Variants in SLC44A5 observed in about 807,000 individuals in gnomAD.
The protein encoded by SLC44A5 is choline transporter-like protein 5.
A neutral mutation model predicts 101.8 loss-of-function variants in SLC44A5; 57 were observed. The observed-to-expected ratio is 0.56, with a 90% CI of 0.45 to 0.70. SLC44A5 has a LOEUF of 0.70. Ranked by LOEUF, SLC44A5 falls within the 30% of genes least tolerant of loss-of-function variation. The probability of loss-of-function intolerance (pLI) is 0.00; values close to 1 mark genes in which losing one functional copy is unlikely to be tolerated. For missense variants in SLC44A5, 737 were observed against 853.1 expected (o/e 0.86, Z 1.70); for synonymous variants, 281 against 290.9 (o/e 0.97, Z 0.35).
In SLC44A5 at chr1:75,472,960, T is replaced by C. The variant is rs547091255; in HGVS notation, c.13+68475A>G. On this transcript the variant is annotated intron_variant, in intron 2 of 23. Transcript: ENST00000370859. ...CTAAAGACTTCTGTGTGATGAATTG[T>C]CATCTCCCTCAACCTCAAAGGTAAC... 2.2e-4 allele frequency among the ~76,000 whole-genome samples: 34 copies of C among 152,326 alleles called. 1 individual carries two copies. In the South Asian group the frequency reaches 6.4e-3, roughly 29 times the overall value.
At chr1:75,682,954 T>C in the SLC44A5 span, among the ~76,000 whole-genome samples, 869 of 151,710 alleles carry the variant, frequency 5.7e-3, 8 homozygotes, top group Admixed American at 0.031. Flanking sequence ...AGGACATGAA[T>C]AGACACTTCT....
At chr1:75,694,461 C>G in the SLC44A5 span, among the ~76,000 whole-genome samples, 1 of 151,994 alleles carries the variant, frequency 6.6e-6, no homozygotes, top group Non-Finnish European at 1.5e-5. Flanking sequence ...GCATTTATCA[C>G]TATTTTTAAA....
At chr1:75,482,894 T>A (rs911748551) in intron 2 of SLC44A5, among the ~76,000 whole-genome samples, 7 of 152,144 alleles carry the variant, frequency 4.6e-5, no homozygotes, top group Admixed American at 4.6e-4. Context: ...CTAAGGAAAT[T>A]TACTTATAGG....
At chr1:75,698,084 C>G in the SLC44A5 span, among the ~76,000 whole-genome samples, 1 of 152,186 alleles carries the variant, frequency 6.6e-6, no homozygotes, top group Admixed American at 6.5e-5. Context: ...AGAGGGGTGT[C>G]CGCCATTGCC....
chr1:75,466,352 A>G (rs1329278181), intron 2 of SLC44A5, among the ~76,000 whole-genome samples: 1 of 152,126 alleles, frequency 6.6e-6, no homozygotes, highest in African/African-American at 2.4e-5. Context: ...TCCTCAAACA[A>G]CTAGAAATAG....
chr1:75,698,061 C>A, the SLC44A5 span, among the ~76,000 whole-genome samples: 1 of 152,182 alleles, frequency 6.6e-6, no homozygotes, highest in Non-Finnish European at 1.5e-5. Context: ...TGCAAGGTGG[C>A]AGTGAGGCTG....
At chr1:75,571,405 A>C (rs1013333562) in intron 1 of SLC44A5, among the ~76,000 whole-genome samples, 2 of 152,186 alleles carry the variant, frequency 1.3e-5, no homozygotes, top group Non-Finnish European at 2.9e-5. Flanking sequence ...GGAGATGATT[A>C]GCAAAAAATA....
At chr1:75,247,654 A>G (rs767037944) in intron 7 of SLC44A5, among the ~76,000 whole-genome samples, 78 of 152,110 alleles carry the variant, frequency 5.1e-4, no homozygotes, top group Non-Finnish European at 9.9e-4. Context: ...GGAGACTGAT[A>G]GGGAGTAGAC....
At chr1:75,633,889 T>C in the SLC44A5 span, among the ~76,000 whole-genome samples, 3 of 152,302 alleles carry the variant, frequency 2.0e-5, no homozygotes, top group Admixed American at 1.3e-4. Flanking sequence ...TTTTGAGATA[T>C]GTCCCATCAA....
At chr1:75,606,841 G>A (rs1052200372) in intron 1 of SLC44A5, among the ~76,000 whole-genome samples, 1 of 151,840 alleles carries the variant, frequency 6.6e-6, no homozygotes, top group African/African-American at 2.4e-5. Flanking sequence ...TTGGTTCCAA[G>A]ACCCCACACC....
At chr1:75,412,562 G>A (rs147069816) in intron 2 of SLC44A5, among the ~76,000 whole-genome samples, 1 of 152,038 alleles carries the variant, frequency 6.6e-6, no homozygotes, top group East Asian at 1.9e-4. Flanking sequence ...ACGAACAGGA[G>A]GTGTATTTCC....
At chr1:75,459,104 A>T (rs1448868063) in intron 2 of SLC44A5, among the ~76,000 whole-genome samples, 1 of 152,154 alleles carries the variant, frequency 6.6e-6, no homozygotes, top group Non-Finnish European at 1.5e-5. Flanking sequence ...TAAAAGTTTC[A>T]TTCTTTTTGG....
chr1:75,630,772 T>C, the SLC44A5 span, among the ~76,000 whole-genome samples: 1 of 152,162 alleles, frequency 6.6e-6, no homozygotes, highest in Non-Finnish European at 1.5e-5. Flanking sequence ...CAACTCCCCA[T>C]GCTTTAAGTG....
intron 2 of SLC44A5, among the ~76,000 whole-genome samples, chr1:75,456,116 C>A (rs1197297609): frequency 6.6e-6 from 1 of 152,144 alleles, no homozygotes; most frequent in Admixed American, 6.5e-5. Flanking sequence ...CCCAGATACC[C>A]ATCAACAATG....
intron 7 of SLC44A5, 59 bp downstream of exon 7, chr1:75,251,151 C>A (rs1272115058): frequency 1.3e-5 from 18 of 1,362,808 alleles, no homozygotes; most frequent in Non-Finnish European, 1.8e-5. Context: ...TTTCTCAATT[C>A]TTTTATCCAA....
chr1:75,705,433 G>A, the SLC44A5 span, among the ~76,000 whole-genome samples: 1 of 152,040 alleles, frequency 6.6e-6, no homozygotes, highest in Non-Finnish European at 1.5e-5. Context: ...GTGGTTGGAG[G>A]GTGGTTGATA....
chr1:75,543,614 C>CATATATATACGTATATAT (rs1671477481), intron 1 of SLC44A5, among the ~76,000 whole-genome samples: 1 of 146,614 alleles, frequency 6.8e-6, no homozygotes, highest in Non-Finnish European at 1.5e-5. Flanking sequence ...TATATACACA[C>CATATATATACGTATATAT]ACACATATAT....
At chr1:75,237,641 CTTT>C (rs1184178628) in intron 10 of SLC44A5, among the ~76,000 whole-genome samples, 1 of 152,006 alleles carries the variant, frequency 6.6e-6, no homozygotes, top group Non-Finnish European at 1.5e-5. Context: ...CCTAAGTTTT[CTTT>C]TTCATTTTAC....
chr1:75,699,172 G>A, the SLC44A5 span, among the ~76,000 whole-genome samples: 2 of 151,892 alleles, frequency 1.3e-5, no homozygotes, highest in African/African-American at 4.8e-5. Context: ...GATACTCCTC[G>A]AGAAGAGCAA....
Sources: gnomAD v4.1 joint callset for allele counts (sites outside exome capture counted in the v4.1 genomes callset) on GRCh38, gnomAD v4.1.1 for gene constraint, MANE v1.5 for transcripts, NCBI Gene and HGNC (gene_info 2026-07-23, HGNC 2026-07-21) for gene names.